The following SLC25A48 variants were observed in gnomAD, a reference collection of about 807,000 sequenced individuals.
SLC25A48 encodes solute carrier family 25 member 48.
Under a neutral mutation model 32.2 loss-of-function variants are expected in SLC25A48, and 29 were observed. That is an observed-to-expected ratio of 0.90 (90% CI 0.67 to 1.23). The LOEUF is 1.23. Ranked by LOEUF, SLC25A48 falls within the 50% of genes most tolerant of loss-of-function variation. The probability of loss-of-function intolerance (pLI) is 0.00; values close to 1 mark genes in which losing one functional copy is unlikely to be tolerated. For missense variants in SLC25A48, 399 were observed against 422.7 expected (o/e 0.94, Z 0.49); for synonymous variants, 164 against 172.3 (o/e 0.95, Z 0.38).
At chr5:135,669,639 A>G (rs1753608966) in intron 3 of SLC25A48, among the ~76,000 whole-genome samples, 1 of 152,118 alleles carries the variant, frequency 6.6e-6, no homozygotes, top group African/African-American at 2.4e-5. Context: ...TGCTTCTAAG[A>G]GCCTTAACTC....
At chr5:135,621,649 G>C (rs1203308720) in intron 1 of SLC25A48, among the ~76,000 whole-genome samples, 1 of 152,120 alleles carries the variant, frequency 6.6e-6, no homozygotes, top group Non-Finnish European at 1.5e-5. Flanking sequence ...AATTGGTAAG[G>C]AAGGGTTATT....
rs532543156 is a variant in SLC25A48, at chr5:135,880,870, A to T, written c.*7+773A>T. Reference sequence around the variant, plus strand: ...AGCTCTTTGCCATCCAGGCTGTAGAAGTCTCCTCCTCCAGGATGCCGGCTT... The same window carrying T: ...AGCTCTTTGCCATCCAGGCTGTAGATGTCTCCTCCTCCAGGATGCCGGCTT... On this transcript the variant is annotated intron_variant, in intron 7 of 7. Coordinates refer to ENST00000681962, the MANE Select transcript of SLC25A48 (RefSeq NM_001349336.2). Among the ~76,000 whole-genome samples, 7 of 152,236 alleles carry T rather than the reference A, an allele frequency of 4.6e-5. No homozygotes were observed. The South Asian group carries it at 1.5e-3, about 32-fold the overall frequency.
intron 3 of SLC25A48, among the ~76,000 whole-genome samples, chr5:135,713,742 A>C (rs985225225): frequency 2.6e-5 from 4 of 152,188 alleles, no homozygotes; most frequent in African/African-American, 9.7e-5. Flanking sequence ...CAAATTCTAC[A>C]ACGAGGTTTG....
Position 135,874,455 on chromosome 5 carries a change from A to G in SLC25A48, c.813+301A>G, listed in dbSNP as rs1234743562. 2.0e-5 allele frequency among the ~76,000 whole-genome samples: 3 copies of G among 152,088 alleles called. No homozygotes were observed. In the East Asian group the frequency reaches 5.8e-4, roughly 29 times the overall value. On this transcript the variant is annotated intron_variant, in intron 6 of 7. Transcript: ENST00000681962. The stretch of plus-strand genomic sequence containing the variant: ...CTGGTCCATTTCTGTCTGTCTCCGC[A>G]TTTTGCCTTCTCATCAAGATAGGTT...
At chr5:135,609,040 C>T (rs1187694295) in intron 1 of SLC25A48, among the ~76,000 whole-genome samples, 1 of 152,184 alleles carries the variant, frequency 6.6e-6, no homozygotes, top group African/African-American at 2.4e-5. Flanking sequence ...CCTGATATTT[C>T]CTGGAGGTGG....
At chr5:135,870,421 G>A (rs1761544081) in intron 4 of SLC25A48, among the ~76,000 whole-genome samples, 1 of 152,230 alleles carries the variant, frequency 6.6e-6, no homozygotes. Flanking sequence ...AAGCATCAGA[G>A]TGGGAGATGG....
chr5:135,614,031 C>A (rs1271584891), intron 1 of SLC25A48, among the ~76,000 whole-genome samples: 1 of 152,106 alleles, frequency 6.6e-6, no homozygotes, highest in Non-Finnish European at 1.5e-5. Context: ...TTGCTTTCGG[C>A]AGAATGGTCA....
chr5:135,871,873 C>T (rs767040222), intron 5 of SLC25A48, 155 bp downstream of exon 5: 4 of 1,508,768 alleles, frequency 2.7e-6, no homozygotes, highest in African/African-American at 1.4e-5. Flanking sequence ...CTGTCCCCGG[C>T]CCTCTCCCAC....
At chr5:135,620,013 A>T (rs1438958298) in intron 1 of SLC25A48, among the ~76,000 whole-genome samples, 1 of 152,186 alleles carries the variant, frequency 6.6e-6, no homozygotes, top group East Asian at 1.9e-4. Flanking sequence ...CAACAGAAGT[A>T]GGTTGGGCAG....
intron 1 of SLC25A48, among the ~76,000 whole-genome samples, chr5:135,581,525 G>A (rs1471906845): frequency 2.6e-5 from 4 of 152,134 alleles, no homozygotes; most frequent in African/African-American, 4.8e-5. Context: ...TTTTATTAAC[G>A]ATTTTATTTC....
At chr5:135,805,417 G>T (rs1757439743) in intron 3 of SLC25A48, among the ~76,000 whole-genome samples, 1 of 151,288 alleles carries the variant, frequency 6.6e-6, no homozygotes, top group Admixed American at 6.6e-5. Context: ...GTAATATGAA[G>T]ATATTACTCC....
At chr5:135,635,762 G>T (rs990056165) in intron 3 of SLC25A48, among the ~76,000 whole-genome samples, 1 of 152,186 alleles carries the variant, frequency 6.6e-6, no homozygotes, top group Non-Finnish European at 1.5e-5. Context: ...CTGACAGCTA[G>T]CTCTCACGAG....
intron 4 of SLC25A48, among the ~76,000 whole-genome samples, chr5:135,871,028 C>G (rs749546792): frequency 4.7e-5 from 7 of 150,446 alleles, no homozygotes; most frequent in Non-Finnish European, 7.4e-5. Context: ...CATTTTGCTC[C>G]GCCACACTGT....
At chr5:135,829,028 T>C (rs1182129920) in intron 4 of SLC25A48, among the ~76,000 whole-genome samples, 1 of 152,162 alleles carries the variant, frequency 6.6e-6, no homozygotes, top group Non-Finnish European at 1.5e-5. Context: ...TTTCCTATGG[T>C]CCTGGCCTCT....
intron 3 of SLC25A48, among the ~76,000 whole-genome samples, chr5:135,776,273 T>A (rs10037704): frequency 2.4e-5 from 3 of 124,290 alleles, no homozygotes; most frequent in South Asian, 2.5e-4. Flanking sequence ...ATCTGGGGGG[T>A]GGGGGGCAGA....
At chr5:135,631,944 G>A (rs1247590873) in intron 2 of SLC25A48, among the ~76,000 whole-genome samples, 3 of 152,196 alleles carry the variant, frequency 2.0e-5, no homozygotes, top group African/African-American at 7.2e-5. Flanking sequence ...TCCAACCCAG[G>A]GGAGGGGGAG....
At chr5:135,871,078 C>G (rs868112384) in intron 4 of SLC25A48, among the ~76,000 whole-genome samples, 2 of 120,566 alleles carry the variant, frequency 1.7e-5, no homozygotes, top group East Asian at 2.0e-4. Flanking sequence ...CACACACACA[C>G]ACACACACAC....
chr5:135,630,588 C>CTTTTTTTTTTTTTTTTTTTTTTT (rs869088370), intron 2 of SLC25A48, among the ~76,000 whole-genome samples: 2 of 58,928 alleles, frequency 3.4e-5, no homozygotes, highest in Non-Finnish European at 6.2e-5. Context: ...GGCTGGGCAC[C>CTTTTTTTTTTTTTTTTTTTTTTT]TTTTTTTTTT....
chr5:135,689,582 A>G (rs1387447803), intron 3 of SLC25A48, among the ~76,000 whole-genome samples: 2 of 103,130 alleles, frequency 1.9e-5, no homozygotes, highest in Non-Finnish European at 4.4e-5. Flanking sequence ...TCAAAGATCT[A>G]TTTTGTGCAT....
Sources: allele counts gnomAD v4.1 joint callset (sites outside exome capture counted in the v4.1 genomes callset), GRCh38; gene constraint gnomAD v4.1.1; transcripts MANE v1.5; gene names NCBI Gene and HGNC (gene_info 2026-07-23, HGNC 2026-07-21).